KIAA1217: variants seen among roughly 807,000 people sequenced by gnomAD.
KIAA1217 encodes the protein sickle tail protein homolog.
KIAA1217 carries 88 observed loss-of-function variants against 163.9 expected under a neutral mutation model. That is an observed-to-expected ratio of 0.54 (90% CI 0.45 to 0.64). KIAA1217 has a LOEUF of 0.64. KIAA1217 is among the 30% of genes least tolerant of loss of function. The pLI is 0.00. For missense variants in KIAA1217, 2,372 were observed against 2,475.0 expected (o/e 0.96, Z 0.88); for synonymous variants, 903 against 923.1 (o/e 0.98, Z 0.39).
intron 8 of KIAA1217, among the ~76,000 whole-genome samples, chr10:24,496,249 T>A (rs1483553869): frequency 6.6e-6 from 1 of 152,264 alleles, no homozygotes; most frequent in Non-Finnish European, 1.5e-5. Context: ...TCTGCCATCA[T>A]TCCTGATCCT....
At chr10:24,255,392 C>T (rs113039405) in intron 2 of KIAA1217, 2 of 339,290 alleles carry the variant, frequency 5.9e-6, no homozygotes, top group South Asian at 2.2e-5. Context: ...GGAGAATGGA[C>T]GAGCTGGTTG....
chr10:23,852,530 GT>G (rs1160373315), intron 1 of KIAA1217, among the ~76,000 whole-genome samples: 8 of 152,174 alleles, frequency 5.3e-5, no homozygotes, highest in African/African-American at 7.2e-5. Flanking sequence ...ACTATAAGTA[GT>G]TTTTTTCCAA....
chr10:24,517,128 TCAC>T (rs1269756840), intron 10 of KIAA1217, among the ~76,000 whole-genome samples: 1 of 150,716 alleles, frequency 6.6e-6, no homozygotes, highest in African/African-American at 2.4e-5. Context: ...GGCTGCACGA[TCAC>T]ACCACTGCAC....
At chr10:23,938,218 T>C (rs942569131) in intron 1 of KIAA1217, among the ~76,000 whole-genome samples, 2 of 151,992 alleles carry the variant, frequency 1.3e-5, no homozygotes, top group Non-Finnish European at 2.9e-5. Flanking sequence ...CCAGGCAAAA[T>C]AGGAATGTGT....
chr10:24,383,515 C>T (rs1011573322), intron 3 of KIAA1217, among the ~76,000 whole-genome samples: 1 of 152,170 alleles, frequency 6.6e-6, no homozygotes, highest in Non-Finnish European at 1.5e-5. Flanking sequence ...GGGGTGGCCA[C>T]GCTTCTGCAA....
At chr10:23,724,265 C>A (rs1838016822) in intron 1 of KIAA1217, among the ~76,000 whole-genome samples, 1 of 145,732 alleles carries the variant, frequency 6.9e-6, no homozygotes, top group Non-Finnish European at 1.5e-5. Flanking sequence ...CTAAACTTTG[C>A]TTCTTATGTA....
intron 6 of KIAA1217, among the ~76,000 whole-genome samples, chr10:24,484,909 T>C (rs1030796730): frequency 6.6e-6 from 1 of 152,056 alleles, no homozygotes; most frequent in African/African-American, 2.4e-5. Context: ...CCTGGTCCCA[T>C]CCAGAACAGC....
chr10:24,276,608 C>CTTTTTTT (rs35622932), intron 2 of KIAA1217, among the ~76,000 whole-genome samples: 2 of 138,114 alleles, frequency 1.4e-5, no homozygotes, highest in African/African-American at 5.5e-5. Context: ...TCAAGTCCAG[C>CTTTTTTT]TTTTTTTTTT....
At chr10:24,236,900 C>T (rs1181081853) in intron 2 of KIAA1217, among the ~76,000 whole-genome samples, 2 of 151,590 alleles carry the variant, frequency 1.3e-5, no homozygotes, top group East Asian at 3.9e-4. Context: ...GATCCTGCTA[C>T]CTCAGCCTCC....
chr10:24,001,468 G>A (rs1462591328), intron 1 of KIAA1217, among the ~76,000 whole-genome samples: 1 of 152,238 alleles, frequency 6.6e-6, no homozygotes, highest in Non-Finnish European at 1.5e-5. Context: ...GCTATAATAA[G>A]AGATACATGA....
At chr10:23,895,787 A>G (rs1365127874) in intron 1 of KIAA1217, among the ~76,000 whole-genome samples, 3 of 152,104 alleles carry the variant, frequency 2.0e-5, no homozygotes, top group Admixed American at 2.0e-4. Context: ...TGTGGCACAT[A>G]TACACCATGG....
intron 2 of KIAA1217, among the ~76,000 whole-genome samples, chr10:24,055,147 C>T (rs980129532): frequency 6.6e-6 from 1 of 152,076 alleles, no homozygotes; most frequent in Non-Finnish European, 1.5e-5. Context: ...TGCACCTGTA[C>T]TTTCAGCTAC....
intron 1 of KIAA1217, among the ~76,000 whole-genome samples, chr10:23,740,930 A>AAAC (rs1366712652): frequency 3.3e-5 from 5 of 152,170 alleles, no homozygotes; most frequent in African/African-American, 1.2e-4. Flanking sequence ...TCTGTCTCAA[A>AAAC]AACAACAACA....
chr10:24,078,629 A>C (rs2061442637), intron 2 of KIAA1217, among the ~76,000 whole-genome samples: 1 of 152,186 alleles, frequency 6.6e-6, no homozygotes, highest in Admixed American at 6.5e-5. Flanking sequence ...TATACAATGA[A>C]GGGGCGCTGA....
chr10:24,425,270 T>C (rs1480680242), intron 3 of KIAA1217, among the ~76,000 whole-genome samples: 1 of 152,194 alleles, frequency 6.6e-6, no homozygotes, highest in African/African-American at 2.4e-5. Flanking sequence ...CTTACCACCC[T>C]TCACATTTTA....
intron 4 of KIAA1217, 66 bp from the exon 5 acceptor site, chr10:24,438,320 G>A (rs2060227850): frequency 9.3e-7 from 1 of 1,077,334 alleles, no homozygotes. Context: ...TTTAAGGGCA[G>A]GCTAAGGAAA....
At chr10:24,443,333 C>A (rs76453950) in intron 5 of KIAA1217, among the ~76,000 whole-genome samples, 11,663 of 152,214 alleles carry the variant, frequency 0.077, 623 homozygotes, top group East Asian at 0.17. Flanking sequence ...CAGAGAGTAG[C>A]AGAACAGAGA....
Position 24,538,732 on chromosome 10 carries a change from G to GTTTTTTT in KIAA1217, c.3534+1851_3534+1857dup, listed in dbSNP as rs756717624. Among the ~76,000 whole-genome samples, 185 of 87,746 alleles carry GTTTTTTT rather than the reference G, an allele frequency of 2.1e-3. 1 individual carries two copies. Among genetic ancestry groups the GTTTTTTT allele is most frequent in the Non-Finnish European group, 2.9e-3 (134 of 45,744 alleles). The allele number at this position is 87,746 out of a possible 152,430, so 57.6% of individuals were successfully genotyped here. A position where few individuals can be genotyped will look rare whatever the true frequency, so the allele number is the denominator to read the frequency against. On this transcript the variant is annotated intron_variant, in intron 17 of 20. Transcript: ENST00000376454. ...AATATATTGATTTTTATTGTTTTTG[G>GTTTTTTT]TTTTTTTTTTTTTTTTTTGTGAGAC...
intron 2 of KIAA1217, chr10:24,369,000 C>A: frequency 3.5e-6 from 1 of 285,606 alleles, no homozygotes. Flanking sequence ...GGAGTTGCAC[C>A]GTGAGTTCAT....
Sources: allele counts gnomAD v4.1 joint callset (sites outside exome capture counted in the v4.1 genomes callset), GRCh38; gene constraint gnomAD v4.1.1; transcripts MANE v1.5; gene names NCBI Gene and HGNC (gene_info 2026-07-23, HGNC 2026-07-21).